Variants in C1QC observed in about 807,000 individuals in gnomAD.
C1QC encodes complement C1q subcomponent subunit C.
In C1QC, 4 loss-of-function variants were observed where a neutral mutation model predicts 5.9. That is an observed-to-expected ratio of 0.68 (90% CI 0.33 to 1.55). The LOEUF is 1.55. Among genes scored for constraint, C1QC ranks in the 40% most tolerant of loss-of-function variants. The pLI is 0.06. For missense variants in C1QC, 299 were observed against 326.9 expected, an observed-to-expected ratio of 0.91 and a Z score of 0.66; for synonymous variants, 166 against 153.8, an observed-to-expected ratio of 1.08 and a Z score of -0.59.
intron 2 of C1QC, 121 bp from the exon 3 acceptor site, chr1:22,647,106 A>G (rs745548786): frequency 5.3e-5 from 62 of 1,178,618 alleles, no homozygotes; most frequent in Non-Finnish European, 6.6e-5. Flanking sequence ...GAGATAGCCC[A>G]TCTATGAGAA....
chr1:22,646,446 A>G (rs1642370551), intron 2 of C1QC, among the ~76,000 whole-genome samples: 1 of 152,218 alleles, frequency 6.6e-6, no homozygotes, highest in African/African-American at 2.4e-5. Flanking sequence ...AAAAATTTAC[A>G]CATGTAGCAA....
Position 22,643,729 on chromosome 1 carries a change from C to A in C1QC, c.-14+15C>A. The A allele has an allele frequency of 7.9e-7, 1 of 1,258,682 alleles. No homozygotes were observed. Among genetic ancestry groups the A allele is most frequent in the Non-Finnish European group, 1.0e-6 (1 of 1,001,474 alleles). 78.0% of individuals were successfully genotyped at this position (1,258,682 alleles called of 1,614,324 possible). On this transcript the variant is annotated intron_variant, in intron 1 of 2. Transcript: ENST00000374640. ...CCCACCTGCAGGTGAGGCCCGGACC[C>A]CTGCCCAGGTATGGGCAGATGGCCG...
chr1:22,646,006 A>G (rs750078705), intron 2 of C1QC, among the ~76,000 whole-genome samples: 3 of 152,222 alleles, frequency 2.0e-5, no homozygotes, highest in Admixed American at 6.5e-5. Context: ...AAAGATGAGT[A>G]TGATTTAGAT....
intron 2 of C1QC, among the ~76,000 whole-genome samples, chr1:22,646,193 GC>G (rs776176687): frequency 2.0e-5 from 3 of 152,202 alleles, no homozygotes; most frequent in Non-Finnish European, 4.4e-5. Flanking sequence ...AACCAGGCCA[GC>G]TGTCATGGGG....
At chr1:22,645,460 G>T (rs1007118042) in intron 2 of C1QC, among the ~76,000 whole-genome samples, 1 of 152,188 alleles carries the variant, frequency 6.6e-6, no homozygotes, top group Non-Finnish European at 1.5e-5. Context: ...TGAGCAACTT[G>T]TCCAAAGTCA....
At chr1:22,644,655 T>A in intron 2 of C1QC, among the ~76,000 whole-genome samples, 1 of 152,304 alleles carries the variant, frequency 6.6e-6, no homozygotes, top group South Asian at 2.1e-4. Context: ...TTACTTAACC[T>A]CGCAGTGCCT....
In C1QC at chr1:22,647,560, C is replaced by T. The variant is rs560156356; in HGVS notation, c.515C>T (p.Ala172Val). 187 of 1,614,268 alleles carry T rather than the reference C, an allele frequency of 1.2e-4. No individual in the cohort carries two copies. The highest frequency in any genetic ancestry group is 9.1e-4 in the East Asian group (41 of 44,888). ...VPGLYYFVYH[A>V]SHTANLCVLL... ...GGCCTCTACTACTTTGTCTACCACG[C>T]GTCGCATACAGCCAACCTGTGCGTG... The change falls in exon 3 of 3, where the codon GCG (alanine) becomes GTG (valine). Residue 172 changes from alanine to valine, a missense_variant. Coordinates refer to ENST00000374640, the MANE Select transcript of C1QC (RefSeq NM_172369.5).
Position 22,647,244 on chromosome 1 carries a change from G to C in C1QC, c.199G>C (p.Gly67Arg), listed in dbSNP as rs780658153. ...ATCTCCAGGAATCCCAGCCATTCCC[G>C]GGATCCGAGGACCCAAAGGGCAGAA... The part of the protein sequence containing the change: ...KGEPGIPAIP[G>R]IRGPKGQKGE... Residue 67 changes from glycine (G) to arginine (R), a missense_variant, in exon 3 of 3, where the codon GGG (glycine) becomes CGG (arginine). Gly to Arg is a moderately radical substitution (Grantham distance 125). This residue lies in a region of C1QC where 146 missense variants were observed against 144.1 expected (regional missense o/e 1.01). Transcript: ENST00000374640. The C allele has an allele frequency of 1.2e-6, 2 of 1,606,456 alleles. No homozygotes were observed. Among genetic ancestry groups the C allele is most frequent in the Non-Finnish European group, 1.7e-6 (2 of 1,179,920 alleles).
chr1:22,646,882 G>A (rs1219078268), intron 2 of C1QC, among the ~76,000 whole-genome samples: 1 of 152,204 alleles, frequency 6.6e-6, no homozygotes, highest in African/African-American at 2.4e-5. Context: ...GTGGCCACAT[G>A]CCATCTGTCC....
intron 2 of C1QC, 126 bp from the exon 3 acceptor site, chr1:22,647,101 A>G (rs1642379868): frequency 8.9e-7 from 1 of 1,119,912 alleles, no homozygotes; most frequent in Non-Finnish European, 1.3e-6. Flanking sequence ...CTAGGGAGAT[A>G]GCCCATCTAT....
Position 22,647,662 on chromosome 1 carries a change from G to T in C1QC, c.617G>T (p.Gly206Val). The change falls in exon 3 of 3, where the codon GGT becomes GTT. Residue 206 changes from glycine to valine, a missense_variant. This residue lies in a region of C1QC where 144 missense variants were observed against 155.1 expected (regional missense o/e 0.93). Coordinates refer to ENST00000374640, the MANE Select transcript of C1QC (RefSeq NM_172369.5). ...AAAACCAATCAGGTCAACTCGGGCG[G>T]TGTGCTGCTGAGGTTGCAGGTGGGC... ...TSKTNQVNSG[G>V]VLLRLQVGEE... 6.2e-7 allele frequency: 1 copy of T among 1,612,270 alleles called. No homozygotes were observed. Among genetic ancestry groups the T allele is most frequent in the Non-Finnish European group, 8.5e-7 (1 of 1,179,856 alleles).
intron 2 of C1QC, 127 bp from the exon 3 acceptor site, chr1:22,647,100 T>G: frequency 2.7e-6 from 3 of 1,115,524 alleles, no homozygotes; most frequent in Non-Finnish European, 3.9e-6. Flanking sequence ...CCTAGGGAGA[T>G]AGCCCATCTA....
At chr1:22,644,972 T>C (rs1382992732) in intron 2 of C1QC, among the ~76,000 whole-genome samples, 1 of 152,042 alleles carries the variant, frequency 6.6e-6, no homozygotes, top group African/African-American at 2.4e-5. Context: ...GGGCTGGAAC[T>C]GGAGCCCTGG....
chr1:22,644,275 A>C, intron 2 of C1QC, 71 bp downstream of exon 2: 10 of 1,452,624 alleles, frequency 6.9e-6, no homozygotes, highest in African/African-American at 1.4e-5. Context: ...GGGGCTGACC[A>C]AGGGGGCGGG....
chr1:22,645,683 A>ACTGTGCCTGTCC (rs1642357290), intron 2 of C1QC, among the ~76,000 whole-genome samples: 1 of 152,170 alleles, frequency 6.6e-6, no homozygotes, highest in East Asian at 1.9e-4. Flanking sequence ...TGTGCCTGGC[A>ACTGTGCCTGTCC]CAGTGCCTGT....
At chr1:22,646,719 C>T (rs1642374693) in intron 2 of C1QC, among the ~76,000 whole-genome samples, 2 of 152,224 alleles carry the variant, frequency 1.3e-5, no homozygotes, top group Non-Finnish European at 2.9e-5. Flanking sequence ...TGCAAGTGGA[C>T]AGAACCTGAA....
In C1QC at chr1:22,647,562, T is replaced by A. The variant is rs1642392472; in HGVS notation, c.517T>A (p.Ser173Thr). 1 of 1,614,090 alleles carries A rather than the reference T, an allele frequency of 6.2e-7. No homozygotes were observed. The highest frequency in any genetic ancestry group is 8.5e-7 in the Non-Finnish European group (1 of 1,180,040). The change falls in exon 3 of 3, where the codon TCG becomes ACG. Residue 173 changes from serine (S) to threonine (T), a missense_variant. This residue lies in a region of C1QC where 144 missense variants were observed against 155.1 expected (regional missense o/e 0.93). Transcript: ENST00000374640. ...CCTCTACTACTTTGTCTACCACGCG[T>A]CGCATACAGCCAACCTGTGCGTGCT... ...PGLYYFVYHA[S>T]HTANLCVLLY... is the part of the protein sequence containing the mutation.
chr1:22,647,701 TG>T lies in C1QC; in HGVS notation c.658del (p.Ala220LeufsTer104). ...TTGCAGGTGGGCGAGGAGGTGTGGC[TG>T]GCTGTCAATGACTACTACGACATGG... ...LRLQVGEEVW[L>X]AVNDYYDMVG... On this transcript the variant is annotated frameshift_variant, in exon 3 of 3. Coordinates refer to ENST00000374640, the MANE Select transcript of C1QC (RefSeq NM_172369.5). LOFTEE classifies it high-confidence loss of function. 6.2e-7 allele frequency: 1 copy of T among 1,604,908 alleles called. No homozygotes were observed. The highest frequency in any genetic ancestry group is 8.5e-7 in the Non-Finnish European group (1 of 1,179,766).
intron 2 of C1QC, among the ~76,000 whole-genome samples, chr1:22,645,734 C>T (rs535817897): frequency 1.6e-4 from 25 of 152,286 alleles, no homozygotes; most frequent in African/African-American, 4.6e-4. Context: ...CTATTATGCC[C>T]GTATCTCAAC....
Sources: gnomAD v4.1 joint callset for allele counts (sites outside exome capture counted in the v4.1 genomes callset) on GRCh38, gnomAD v4.1.1 for gene constraint, gnomAD v4.1.1 regional missense constraint, MANE v1.5 for transcripts, NCBI Gene and HGNC (gene_info 2026-07-23, HGNC 2026-07-21) for gene names.